FRMPD4: variants seen among roughly 807,000 people sequenced by gnomAD.
The protein encoded by FRMPD4 is FERM and PDZ domain-containing protein 4.
A neutral mutation model predicts 94.1 loss-of-function variants in FRMPD4; 22 were observed. That is an observed-to-expected ratio of 0.23 (90% confidence interval 0.17 to 0.33). The LOEUF is 0.33. Among genes scored for constraint, FRMPD4 ranks in the 10% least tolerant of loss-of-function variants. The pLI is 1.00. For synonymous variants in FRMPD4, 631 were observed against 548.6 expected (o/e 1.15, Z -2.10); for missense variants, 1,111 against 1,339.9 (o/e 0.83, Z 2.67).
rs1224195270 is a variant in FRMPD4 at position 12,317,610 on chromosome X, AAAC to A, written c.41+178601_41+178603del. ...CAAAAAAAAAAAAAAAAAACAAAAA[AAAC>A]AAAAACCCAAGTAATCTGATTAAAA... is the stretch of plus-strand genomic sequence containing the variant. On this transcript the variant is annotated intron_variant, in intron 1 of 16. Coordinates refer to ENST00000675598, the MANE Select transcript of FRMPD4 (RefSeq NM_001368397.1). Among the ~76,000 whole-genome samples, 157 of 105,453 alleles carry A rather than the reference AAAC, an allele frequency of 1.5e-3. 9 individuals carry two copies. The highest frequency in any genetic ancestry group is 5.7e-3 in the African/African-American group (150 of 26,166). 91.6% of individuals were successfully genotyped at this position (105,453 alleles called of 115,157 possible).
In FRMPD4 at chrX:12,230,618, G is replaced by A. The variant is rs191947033; in HGVS notation, c.41+91606G>A. On this transcript the variant is annotated intron_variant, in intron 1 of 16. Transcript: ENST00000675598. ...ACTAGCATGTATAGTGATACCAGGT[G>A]GTAGGAGGTATGGTTCCAAAGGGGC... Among the ~76,000 whole-genome samples, 14 of 109,401 alleles carry A rather than the reference G, an allele frequency of 1.3e-4. No individual in the cohort carries two copies. In the East Asian group the frequency reaches 3.7e-3, roughly 29 times the overall value.
chrX:12,234,437 C>G (rs1299892605), intron 1 of FRMPD4, among the ~76,000 whole-genome samples: 1 of 111,070 alleles, frequency 9.0e-6, no homozygotes, highest in Non-Finnish European at 1.9e-5. Flanking sequence ...TAAAAATGAG[C>G]CAGAGTCAAC....
At chrX:12,163,912 A>G (rs750363499) in intron 1 of FRMPD4, among the ~76,000 whole-genome samples, 5 of 111,731 alleles carry the variant, frequency 4.5e-5, no homozygotes, top group African/African-American at 1.3e-4. Flanking sequence ...ACCATTTTTT[A>G]CCATCTCATG....
At chrX:11,855,471 C>T (rs1032878351) in intron 1 of FRMPD4, among the ~76,000 whole-genome samples, 3 of 112,362 alleles carry the variant, frequency 2.7e-5, no homozygotes, top group African/African-American at 9.7e-5. Flanking sequence ...ATTTTCCAAA[C>T]TTTTATGCTC....
chrX:12,241,768 G>A (rs1482508492), intron 1 of FRMPD4, among the ~76,000 whole-genome samples: 1 of 111,050 alleles, frequency 9.0e-6, no homozygotes, highest in Non-Finnish European at 1.9e-5. Context: ...TGGCATGGTG[G>A]CATGTGCCTG....
rs181710059 is a variant in FRMPD4 at position 11,893,154 on chromosome X, A to G, written c.95+15136A>G. Reference sequence around the variant, plus strand: ...TTATTTGGATTTCACCAGTTTTTCTACTACTTTATCTTCTGTTTCAGGATC... The same window carrying G: ...TTATTTGGATTTCACCAGTTTTTCTGCTACTTTATCTTCTGTTTCAGGATC... On this transcript the variant is annotated intron_variant, in intron 3 of 18. Transcript: ENST00000640291. Among the ~76,000 whole-genome samples, 48 of 111,422 alleles carry G rather than the reference A, an allele frequency of 4.3e-4. No homozygotes were observed. In the South Asian group the frequency reaches 7.5e-3, roughly 17 times the overall value.
chrX:12,169,185 A>G (rs977555542), intron 1 of FRMPD4, among the ~76,000 whole-genome samples: 4 of 111,930 alleles, frequency 3.6e-5, no homozygotes, highest in African/African-American at 1.3e-4. Context: ...AATCTAGAGG[A>G]AACAGGAAAC....
At chrX:12,681,359 T>A (rs1239847919) in intron 5 of FRMPD4, among the ~76,000 whole-genome samples, 1 of 107,083 alleles carries the variant, frequency 9.3e-6, no homozygotes, top group Non-Finnish European at 1.9e-5. Context: ...TCGTTAATCA[T>A]TACTAAAGTT....
At position 12,022,385 on chromosome X, in the gene FRMPD4, C is replaced by A. The variant is rs1204722149; in HGVS notation, c.95+144367C>A. The stretch of plus-strand genomic sequence containing the variant: ...GAGAGTTAGGCCCACTCTTTCCCTG[C>A]TAAAAGACACACATCAGAGATTTTC... On this transcript the variant is annotated intron_variant, in intron 3 of 18. Coordinates refer to the FRMPD4 transcript ENST00000640291. Among the ~76,000 whole-genome samples, 5 of 111,989 alleles carry A rather than the reference C, an allele frequency of 4.5e-5. No homozygotes were observed. The East Asian group carries it at 1.4e-3, about 31-fold the overall frequency.
intron 3 of FRMPD4, among the ~76,000 whole-genome samples, chrX:12,089,075 G>T: frequency 8.9e-6 from 1 of 111,892 alleles, no homozygotes; most frequent in Non-Finnish European, 1.9e-5. Context: ...TTTCTGTCTG[G>T]CTTCCTTGAC....
intron 1 of FRMPD4, among the ~76,000 whole-genome samples, chrX:12,340,263 T>G (rs965991797): frequency 2.7e-5 from 3 of 112,778 alleles, no homozygotes; most frequent in Admixed American, 9.4e-5. Context: ...GTTTCAATAC[T>G]TAGCATTTTT....
At chrX:12,491,647 C>T (rs2057794241) in intron 1 of FRMPD4, among the ~76,000 whole-genome samples, 1 of 112,486 alleles carries the variant, frequency 8.9e-6, no homozygotes, top group African/African-American at 3.2e-5. Context: ...TGTATTCTTA[C>T]CCACTCAAAG....
intron 2 of FRMPD4, among the ~76,000 whole-genome samples, chrX:12,578,486 T>G (rs1009831194): frequency 8.9e-6 from 1 of 111,888 alleles, no homozygotes; most frequent in African/African-American, 3.3e-5. Flanking sequence ...TGGATGTAAA[T>G]GTAGATATAG....
chrX:12,071,062 A>G (rs918466046), intron 3 of FRMPD4, among the ~76,000 whole-genome samples: 1 of 111,866 alleles, frequency 8.9e-6, no homozygotes, highest in African/African-American at 3.3e-5. Flanking sequence ...CAATAATAAG[A>G]TGGTTGAGTT....
chrX:12,399,311 G>A (rs1444735182), intron 1 of FRMPD4, among the ~76,000 whole-genome samples: 1 of 111,780 alleles, frequency 8.9e-6, no homozygotes, highest in Non-Finnish European at 1.9e-5. Flanking sequence ...GTAGATGGAT[G>A]TAGATATATG....
intron 3 of FRMPD4, among the ~76,000 whole-genome samples, chrX:11,994,660 C>T (rs1031336481): frequency 3.6e-5 from 4 of 111,673 alleles, no homozygotes; most frequent in East Asian, 2.8e-4. Context: ...TTCACACACA[C>T]GATGGCAAAC....
intron 1 of FRMPD4, among the ~76,000 whole-genome samples, chrX:12,320,930 G>A (rs112323213): frequency 8.0e-5 from 9 of 112,163 alleles, no homozygotes; most frequent in African/African-American, 2.9e-4. Context: ...ACTTTGTCCT[G>A]TACAGTGTAA....
intron 1 of FRMPD4, among the ~76,000 whole-genome samples, chrX:12,284,249 G>A (rs1234333011): frequency 9.0e-6 from 1 of 111,408 alleles, no homozygotes; most frequent in Non-Finnish European, 1.9e-5. Context: ...CCTGTAATTT[G>A]GAATGTTTGT....
At chrX:12,128,550 A>G (rs2147546721) in intron 3 of FRMPD4, among the ~76,000 whole-genome samples, 1 of 112,234 alleles carries the variant, frequency 8.9e-6, no homozygotes, top group South Asian at 3.8e-4. Flanking sequence ...TGCCCTGGAG[A>G]CAATTTCCCC....
Sources: gnomAD v4.1 joint callset for allele counts (sites outside exome capture counted in the v4.1 genomes callset) on GRCh38, gnomAD v4.1.1 for gene constraint, MANE v1.5 for transcripts, NCBI Gene and HGNC (gene_info 2026-07-23, HGNC 2026-07-21) for gene names.